Variants in DIS3L2 observed in about 807,000 individuals in gnomAD.
DIS3L2 encodes DIS3-like exonuclease 2.
DIS3L2 carries 34 observed loss-of-function variants against 97.5 expected under a neutral mutation model. The observed-to-expected ratio is 0.35, with a 90% CI of 0.27 to 0.46. The LOEUF is 0.46. DIS3L2 is among the 20% of genes least tolerant of loss of function. The pLI is 1.00. For synonymous variants in DIS3L2, 435 were observed against 445.2 expected, an observed-to-expected ratio of 0.98 and a Z score of 0.29; for missense variants, 1,038 against 1,146.0, an observed-to-expected ratio of 0.91 and a Z score of 1.36.
In DIS3L2 at chr2:232,275,130, C is replaced by T. The variant is rs1694108078; in HGVS notation, c.1659+11690C>T. ...TCCCCGCAACCCTACACACCTCACT[C>T]CCTCTAGAAGCCTGCTCCAAATAGA... On this transcript the variant is annotated intron_variant, in intron 13 of 20. Coordinates refer to ENST00000325385, the MANE Select transcript of DIS3L2 (RefSeq NM_152383.5). Among the ~76,000 whole-genome samples the T allele has an allele frequency of 4.6e-5, 7 of 152,298 alleles. No individual in the cohort carries two copies. The South Asian group carries it at 1.4e-3, about 32-fold the overall frequency.
intron 5 of DIS3L2, among the ~76,000 whole-genome samples, chr2:232,086,348 T>C (rs1392071699): frequency 1.6e-5 from 2 of 123,248 alleles, no homozygotes; most frequent in Non-Finnish European, 3.3e-5. Flanking sequence ...TATACATATA[T>C]GTATATATAT....
chr2:232,296,346 C>T (rs56011077), intron 13 of DIS3L2, among the ~76,000 whole-genome samples: 2 of 152,226 alleles, frequency 1.3e-5, no homozygotes, highest in African/African-American at 4.8e-5. Flanking sequence ...CTTAATCTTT[C>T]TCAGCCTCAA....
intron 5 of DIS3L2, among the ~76,000 whole-genome samples, chr2:232,084,429 A>G (rs964288336): frequency 6.6e-6 from 1 of 152,200 alleles, no homozygotes; most frequent in Non-Finnish European, 1.5e-5. Context: ...CACTGAGCAT[A>G]TCTTTTGATT....
rs529304467 is a variant in DIS3L2 at position 232,306,934 on chromosome 2, C to A, written c.1739+6815C>A. Among the ~76,000 whole-genome samples the A allele has an allele frequency of 1.2e-3, 190 of 152,378 alleles. 2 individuals are homozygous for A. In the South Asian group the frequency reaches 0.036, roughly 29 times the overall value. On this transcript the variant is annotated intron_variant, in intron 14 of 20. Coordinates refer to ENST00000325385, the MANE Select transcript of DIS3L2 (RefSeq NM_152383.5). Reference sequence around the variant, plus strand: ...CCTGTTGTCATGCCATTTTCTGCTTCTAGAACATCCCTCTTTCCCAGAACC... The same window carrying A: ...CCTGTTGTCATGCCATTTTCTGCTTATAGAACATCCCTCTTTCCCAGAACC...
At chr2:232,340,655 A>G (rs1467081557), downstream of DIS3L2, 1 of 467,624 alleles carries the variant, frequency 2.1e-6, no homozygotes, top group Non-Finnish European at 4.4e-6. Context: ...AGAGATGGGA[A>G]GACTCCATCC....
chr2:232,246,524 C>T (rs1693252657), intron 11 of DIS3L2, among the ~76,000 whole-genome samples: 1 of 152,356 alleles, frequency 6.6e-6, no homozygotes, highest in East Asian at 1.9e-4. Context: ...AGCTGACTTT[C>T]ACTGAGCATC....
chr2:232,272,370 A>C (rs1303698041), intron 13 of DIS3L2, among the ~76,000 whole-genome samples: 1 of 152,218 alleles, frequency 6.6e-6, no homozygotes, highest in Non-Finnish European at 1.5e-5. Context: ...AAAAAACACC[A>C]ATAAGATAAA....
chr2:232,308,546 T>C (rs965163025), intron 14 of DIS3L2, among the ~76,000 whole-genome samples: 1 of 152,190 alleles, frequency 6.6e-6, no homozygotes, highest in African/African-American at 2.4e-5. Context: ...CCTCTAGATG[T>C]GTGAGAGAGA....
At chr2:232,273,932 C>T (rs770341553) in intron 13 of DIS3L2, among the ~76,000 whole-genome samples, 1 of 152,232 alleles carries the variant, frequency 6.6e-6, no homozygotes, top group Non-Finnish European at 1.5e-5. Context: ...CAGTCTAATG[C>T]TCCTTCTGCA....
intron 10 of DIS3L2, among the ~76,000 whole-genome samples, chr2:232,222,744 G>A (rs1692538630): frequency 2.6e-5 from 4 of 152,262 alleles, no homozygotes; most frequent in Admixed American, 2.6e-4. Context: ...TGGGATTACA[G>A]GCGTGAGCCA....
chr2:232,071,429 G>A (rs1276174381), intron 5 of DIS3L2, among the ~76,000 whole-genome samples: 1 of 152,062 alleles, frequency 6.6e-6, no homozygotes, highest in Non-Finnish European at 1.5e-5. Flanking sequence ...GGCTGAGGTG[G>A]GAGGATAGCT....
chr2:232,293,060 C>T lies in DIS3L2; in HGVS notation c.1660-6980C>T, dbSNP rs1049058867. ...GGCTGACTTCCCAAGCTGAGCTGCT[C>T]TGTGGGTGGTCCCTGCAGGTGGTGA... is the stretch of plus-strand genomic sequence containing the variant. On this transcript the variant is annotated intron_variant, in intron 13 of 20. Coordinates refer to ENST00000325385, the MANE Select transcript of DIS3L2 (RefSeq NM_152383.5). The surrounding 1 kb of genome is among the most constrained non-coding windows in gnomAD (Gnocchi z 4.6). Among the ~76,000 whole-genome samples the T allele has an allele frequency of 1.2e-4, 18 of 152,056 alleles. No individual in the cohort carries two copies. The highest frequency in any genetic ancestry group is 4.3e-4 in the African/African-American group (18 of 41,386).
chr2:232,032,429 A>T (rs1470610054), intron 5 of DIS3L2, among the ~76,000 whole-genome samples: 1 of 152,092 alleles, frequency 6.6e-6, no homozygotes, highest in Non-Finnish European at 1.5e-5. Context: ...AGATTGCAAA[A>T]ATTTTTTCCC....
chr2:232,049,147 A>C (rs1407663812), intron 5 of DIS3L2, among the ~76,000 whole-genome samples: 1 of 152,198 alleles, frequency 6.6e-6, no homozygotes, highest in Non-Finnish European at 1.5e-5. Context: ...TATTTTAAAT[A>C]ACTTCCCTAT....
At chr2:232,169,252 C>T (rs1362587839) in intron 9 of DIS3L2, among the ~76,000 whole-genome samples, 1 of 152,156 alleles carries the variant, frequency 6.6e-6, no homozygotes, top group Non-Finnish European at 1.5e-5. Flanking sequence ...AATTAATATA[C>T]ATTTTGTAAA....
At chr2:232,130,813 G>A (rs1698195369) in intron 7 of DIS3L2, 94 bp downstream of exon 7, 1 of 1,432,524 alleles carries the variant, frequency 7.0e-7, no homozygotes, top group East Asian at 2.7e-5. Context: ...ACTGTATTTG[G>A]TCATTTAATC....
At chr2:232,305,097 A>G (rs2106325770) in intron 14 of DIS3L2, among the ~76,000 whole-genome samples, 1 of 152,140 alleles carries the variant, frequency 6.6e-6, no homozygotes. Context: ...ATTTTTTGAG[A>G]TGGAGTCTCG....
At chr2:232,315,288 A>G (rs937677661) in intron 14 of DIS3L2, among the ~76,000 whole-genome samples, 1 of 152,226 alleles carries the variant, frequency 6.6e-6, no homozygotes, top group African/African-American at 2.4e-5. Flanking sequence ...CTCTGCTGTA[A>G]AAACCCTCAC....
chr2:232,052,304 G>A (rs911876463), intron 5 of DIS3L2, among the ~76,000 whole-genome samples: 7 of 152,280 alleles, frequency 4.6e-5, no homozygotes, highest in East Asian at 1.9e-4. Flanking sequence ...GATTACAGGC[G>A]TGAGCCACTG....
Sources: gnomAD v4.1 joint callset for allele counts (sites outside exome capture counted in the v4.1 genomes callset) on GRCh38, gnomAD v4.1.1 for gene constraint, Gnocchi (gnomAD v3.1) non-coding constraint, MANE v1.5 for transcripts, NCBI Gene and HGNC (gene_info 2026-07-23, HGNC 2026-07-21) for gene names.